PDZD2: variants seen among roughly 807,000 people sequenced by gnomAD.
The protein encoded by PDZD2 is PDZ domain-containing protein 2.
A neutral mutation model predicts 220.7 loss-of-function variants in PDZD2; 90 were observed. The ratio of observed to expected loss-of-function variants is 0.41; its 90% CI spans 0.34 to 0.49. The LOEUF (loss-of-function observed/expected upper bound fraction) is 0.49, where lower values mean the gene tolerates loss of function less well. Among genes scored for constraint, PDZD2 ranks in the 20% least tolerant of loss-of-function variants. The pLI, the probability that PDZD2 is intolerant of heterozygous loss-of-function variation, is 0.28. For missense variants in PDZD2, 3,174 were observed against 3,608.5 expected (o/e 0.88, Z 3.08); for synonymous variants, 1,375 against 1,450.5 (o/e 0.95, Z 1.18).
intron 2 of PDZD2, among the ~76,000 whole-genome samples, chr5:31,934,221 AG>A (rs935259255): frequency 6.6e-6 from 1 of 151,510 alleles, no homozygotes; most frequent in African/African-American, 2.4e-5. Context: ...AAGAAAAAAA[AG>A]CTAAAGAGCA....
At chr5:31,658,024 T>C (rs935543560) in intron 1 of PDZD2, among the ~76,000 whole-genome samples, 4 of 152,224 alleles carry the variant, frequency 2.6e-5, no homozygotes, top group Non-Finnish European at 5.9e-5. Context: ...ACAAAATAAG[T>C]TCAACCACTG....
At chr5:31,930,289 T>C (rs1745160314) in intron 2 of PDZD2, among the ~76,000 whole-genome samples, 1 of 145,836 alleles carries the variant, frequency 6.9e-6, no homozygotes, top group Non-Finnish European at 1.5e-5. Context: ...TACTGCAAGC[T>C]CTGCCTCCCG....
At chr5:31,819,165 G>T (rs192114601) in intron 2 of PDZD2, among the ~76,000 whole-genome samples, 9 of 152,288 alleles carry the variant, frequency 5.9e-5, no homozygotes, top group Non-Finnish European at 1.3e-4. Context: ...GGGGCACATG[G>T]TCCACACTAT....
At chr5:31,910,217 A>ATTTTTTTTTTTTTTTTTTTTTTTTTTTTT (rs70957978) in intron 2 of PDZD2, among the ~76,000 whole-genome samples, 2 of 106,842 alleles carry the variant, frequency 1.9e-5, no homozygotes, top group Non-Finnish European at 3.5e-5. Flanking sequence ...GAGTTCCTGC[A>ATTTTTTTTTTTTTTTTTTTTTTTTTTTTT]TTTTTTTTTT....
Position 31,875,595 on chromosome 5 carries a change from A to ATAT in PDZD2, c.476+75871_476+75872insTAT, listed in dbSNP as rs201533314. On this transcript the variant is annotated intron_variant, in intron 2 of 24. Coordinates refer to ENST00000438447, the MANE Select transcript of PDZD2 (RefSeq NM_178140.4). ...AGTGAGACCCTGTTCAAAAAAAAAA[A>ATAT]AAATATATATATATATTTTAAAAAT... 4.8e-3 allele frequency among the ~76,000 whole-genome samples: 693 copies of ATAT among 145,098 alleles called. 2 individuals are homozygous for ATAT. The highest frequency in any genetic ancestry group is 8.2e-3 in the Non-Finnish European group (546 of 66,818).
chr5:31,919,028 A>G (rs1743932203), intron 2 of PDZD2, among the ~76,000 whole-genome samples: 1 of 152,138 alleles, frequency 6.6e-6, no homozygotes. Flanking sequence ...GTCACTTTCA[A>G]TTACACCAGG....
chr5:32,058,402 C>G (rs988645575), intron 12 of PDZD2, among the ~76,000 whole-genome samples: 4 of 150,966 alleles, frequency 2.6e-5, no homozygotes, highest in Non-Finnish European at 4.4e-5. Context: ...GGCACAGTGG[C>G]TCATGTCTGT....
intron 2 of PDZD2, among the ~76,000 whole-genome samples, chr5:31,867,594 G>C (rs1287785535): frequency 6.6e-6 from 1 of 152,148 alleles, no homozygotes; most frequent in Non-Finnish European, 1.5e-5. Context: ...AGGGTATCAG[G>C]TGTTCCCTAC....
chr5:31,789,376 C>T (rs1008981205), intron 1 of PDZD2, among the ~76,000 whole-genome samples: 2 of 152,300 alleles, frequency 1.3e-5, no homozygotes, highest in East Asian at 1.9e-4. Context: ...AAGGAAAAAG[C>T]GAGCAGGATA....
intron 2 of PDZD2, 51 bp downstream of exon 2, chr5:31,799,775 T>G: frequency 8.3e-7 from 1 of 1,209,416 alleles, no homozygotes; most frequent in South Asian, 1.2e-5. Context: ...GGGAACCTGG[T>G]GGTTCCCAGA....
chr5:31,956,855 A>G (rs1417467819), intron 2 of PDZD2, among the ~76,000 whole-genome samples: 1 of 151,682 alleles, frequency 6.6e-6, no homozygotes, highest in Non-Finnish European at 1.5e-5. Context: ...AAGCATGGAT[A>G]GATGACTTTG....
Position 31,654,986 on chromosome 5 carries a change from T to C in PDZD2, c.-361+15549T>C, listed in dbSNP as rs150835842. ...ATCTCTTGCATCTGTCCCAGGGCCA[T>C]TGCACCTGCTATTCCCTCTGCCTGG... On this transcript the variant is annotated intron_variant, in intron 1 of 24. Coordinates refer to ENST00000438447, the MANE Select transcript of PDZD2 (RefSeq NM_178140.4). Among the ~76,000 whole-genome samples, 719 of 152,226 alleles carry C rather than the reference T, an allele frequency of 4.7e-3. 9 individuals carry two copies. Among genetic ancestry groups the C allele is most frequent in the African/African-American group, 0.017 (697 of 41,538 alleles).
At chr5:31,833,466 T>C (rs1580849811) in intron 2 of PDZD2, among the ~76,000 whole-genome samples, 2 of 18,866 alleles carry the variant, frequency 1.1e-4, no homozygotes, top group South Asian at 3.0e-3. Context: ...AGACCCTGTC[T>C]CAAAAAAAAA....
At chr5:31,825,133 C>T (rs532256968) in intron 2 of PDZD2, among the ~76,000 whole-genome samples, 1 of 152,310 alleles carries the variant, frequency 6.6e-6, no homozygotes. Context: ...ACTTGACTGA[C>T]AACCAGTTTA....
chr5:31,695,651 A>C (rs1747347273), intron 1 of PDZD2, among the ~76,000 whole-genome samples: 1 of 152,186 alleles, frequency 6.6e-6, no homozygotes. Flanking sequence ...TTCTTGGTGC[A>C]CACCACCTTA....
At chr5:31,967,249 A>G (rs946040199) in intron 2 of PDZD2, among the ~76,000 whole-genome samples, 2 of 152,166 alleles carry the variant, frequency 1.3e-5, no homozygotes, top group African/African-American at 2.4e-5. Context: ...CATGCCGTCA[A>G]TGTTTGAATT....
chr5:31,787,037 ATG>A (rs1486310839), intron 1 of PDZD2, among the ~76,000 whole-genome samples: 2 of 152,246 alleles, frequency 1.3e-5, no homozygotes, highest in Non-Finnish European at 1.5e-5. Context: ...TATGTGGATG[ATG>A]TGATCTACTG....
intron 2 of PDZD2, among the ~76,000 whole-genome samples, chr5:31,959,772 A>C (rs1199833844): frequency 6.6e-6 from 1 of 152,166 alleles, no homozygotes; most frequent in Admixed American, 6.5e-5. Flanking sequence ...AAACAATACA[A>C]AGTATTCTCT....
chr5:32,060,408 A>G lies in PDZD2; in HGVS notation c.2319-594A>G, dbSNP rs150469535. Among the ~76,000 whole-genome samples the G allele has an allele frequency of 8.8e-4, 134 of 152,286 alleles. 1 individual carries two copies. In the East Asian group the frequency reaches 0.024, roughly 28 times the overall value. Reference sequence around the variant, plus strand: ...AGTCAAAATGGGCAACTTGTCCCCAATTTCTCATTTGTTCAAATTTGAAAC... The same window carrying G: ...AGTCAAAATGGGCAACTTGTCCCCAGTTTCTCATTTGTTCAAATTTGAAAC... On this transcript the variant is annotated intron_variant, in intron 13 of 24. Transcript: ENST00000438447.
Sources: allele counts gnomAD v4.1 joint callset (sites outside exome capture counted in the v4.1 genomes callset), GRCh38; gene constraint gnomAD v4.1.1; transcripts MANE v1.5; gene names NCBI Gene and HGNC (gene_info 2026-07-23, HGNC 2026-07-21).